SPAG17: variants seen among roughly 807,000 people sequenced by gnomAD.
SPAG17 encodes sperm associated antigen 17.
Under a neutral mutation model 273.6 loss-of-function variants are expected in SPAG17, and 169 were observed. That is an observed-to-expected ratio of 0.62 (90% CI 0.55 to 0.70). SPAG17 has a LOEUF of 0.70. Ranked by LOEUF, SPAG17 falls within the 30% of genes least tolerant of loss-of-function variation. The pLI is 0.00. For missense variants in SPAG17, 2,557 were observed against 2,627.8 expected, an observed-to-expected ratio of 0.97 and a Z score of 0.59; for synonymous variants, 825 against 873.2, an observed-to-expected ratio of 0.94 and a Z score of 0.97.
chr1:118,012,203 C>T (rs771318606), intron 30 of SPAG17, 25 bp downstream of exon 30: 6 of 1,601,522 alleles, frequency 3.7e-6, no homozygotes, highest in Non-Finnish European at 4.3e-6. Context: ...AAAATATTGT[C>T]ATGTACTCAG....
At chr1:118,086,605 C>T (rs1247676630) in intron 12 of SPAG17, 66 bp downstream of exon 12, 6 of 1,358,574 alleles carry the variant, frequency 4.4e-6, no homozygotes, top group African/African-American at 4.4e-5. Context: ...TAGCTTCTTT[C>T]AACTGAATAG....
rs546058919 is a variant in SPAG17 at position 118,093,434 on chromosome 1, C to T, written c.1012-117G>A. 4 of 997,612 alleles carry T rather than the reference C, an allele frequency of 4.0e-6. No homozygotes were observed. The East Asian group carries it at 1.1e-4, about 27-fold the overall frequency. The allele number at this position is 997,612 out of a possible 1,614,324, so 61.8% of individuals were successfully genotyped here. ...CAACTTTATACAGGAAAGCAAACCC[C>T]TAAATCTCCAAACCACTGAATCCCA... On this transcript the variant is annotated intron_variant, in intron 7 of 48. Coordinates refer to ENST00000336338, the MANE Select transcript of SPAG17 (RefSeq NM_206996.4).
At chr1:117,997,036 C>T (rs1557883860) in intron 32 of SPAG17, among the ~76,000 whole-genome samples, 1 of 152,004 alleles carries the variant, frequency 6.6e-6, no homozygotes, top group Non-Finnish European at 1.5e-5. Context: ...AAGATAGGTT[C>T]AAGAAATTGG....
intron 4 of SPAG17, among the ~76,000 whole-genome samples, chr1:118,106,627 T>C (rs1207208142): frequency 6.6e-6 from 1 of 152,228 alleles, no homozygotes; most frequent in Admixed American, 6.5e-5. Flanking sequence ...ATCAAAAACA[T>C]ACCAGAAACT....
At chr1:118,003,792 C>G (rs886459121) in intron 32 of SPAG17, among the ~76,000 whole-genome samples, 9 of 152,134 alleles carry the variant, frequency 5.9e-5, no homozygotes, top group African/African-American at 2.2e-4. Flanking sequence ...TTTGTTATAA[C>G]TGACCTTCTG....
intron 3 of SPAG17, among the ~76,000 whole-genome samples, chr1:118,125,919 C>T (rs1657695099): frequency 6.6e-6 from 1 of 151,758 alleles, no homozygotes; most frequent in Non-Finnish European, 1.5e-5. Context: ...TATAGTAGTT[C>T]TATTTTTAGT....
chr1:118,097,449 A>G (rs1174525285), intron 7 of SPAG17, among the ~76,000 whole-genome samples: 1 of 152,214 alleles, frequency 6.6e-6, no homozygotes, highest in Non-Finnish European at 1.5e-5. Context: ...CTCATCTACT[A>G]CATCTTATTA....
intron 46 of SPAG17, among the ~76,000 whole-genome samples, chr1:117,969,136 T>C (rs1410143134): frequency 6.6e-6 from 1 of 151,848 alleles, no homozygotes; most frequent in Non-Finnish European, 1.5e-5. Context: ...AAATTATAAT[T>C]TAAAGTGAGA....
chr1:118,008,259 A>G lies in SPAG17; in HGVS notation c.4433-61T>C. On this transcript the variant is annotated intron_variant, in intron 30 of 48. Coordinates refer to ENST00000336338, the MANE Select transcript of SPAG17 (RefSeq NM_206996.4). Reference sequence around the variant, plus strand: ...ATGTAGACATTGCAAAACAGACCTCAGCCTATTGATTTTGCTGCTGTTTCC... The same window carrying G: ...ATGTAGACATTGCAAAACAGACCTCGGCCTATTGATTTTGCTGCTGTTTCC... 4 of 1,574,926 alleles carry G rather than the reference A, an allele frequency of 2.5e-6. 1 individual carries two copies. In the South Asian group the frequency reaches 3.4e-5, roughly 13 times the overall value.
At position 118,008,099 on chromosome 1, in the gene SPAG17, C is replaced by G; in HGVS notation, c.4532G>C (p.Cys1511Ser). Residue 1511 changes from cysteine to serine, a missense_variant, in exon 31 of 49, where the codon TGT becomes TCT. Coordinates refer to ENST00000336338, the MANE Select transcript of SPAG17 (RefSeq NM_206996.4). ...VIANCEDSSC[C>S]ATFGDGTTII... ...AGTTGTTCCATCTCCAAAGGTGGCA[C>G]AGCAGCTACTGTCCTCACAGTTGGC... The G allele has an allele frequency of 6.2e-7, 1 of 1,614,092 alleles. No individual in the cohort carries two copies. The highest frequency in any genetic ancestry group is 8.5e-7 in the Non-Finnish European group (1 of 1,179,978).
At chr1:118,082,212 C>T (rs1346713173) in intron 13 of SPAG17, among the ~76,000 whole-genome samples, 1 of 152,166 alleles carries the variant, frequency 6.6e-6, no homozygotes, top group Non-Finnish European at 1.5e-5. Flanking sequence ...TTCACTTGCT[C>T]ACTCTTTCAT....
Position 117,973,516 on chromosome 1 carries a change from A to G in SPAG17, c.6050T>C (p.Leu2017Pro). ...EPVKIPTQSL[L>P]QDVAGQTRKE... is the part of the protein sequence containing the mutation. ...TCTTGTTTGTCCCGCAACATCCTGC[A>G]GCAAGGACTGGGTTGGAATTTTCAC... Residue 2017 changes from leucine (L) to proline (P), a missense_variant, in exon 44 of 49, where the codon CTG becomes CCG. Leu to Pro is a moderately conservative substitution (Grantham distance 98). Coordinates refer to ENST00000336338, the MANE Select transcript of SPAG17 (RefSeq NM_206996.4). 6.2e-7 allele frequency: 1 copy of G among 1,614,114 alleles called. No homozygotes were observed. The highest frequency in any genetic ancestry group is 8.5e-7 in the Non-Finnish European group (1 of 1,179,954).
chr1:118,081,155 GTCTATTA>G lies in SPAG17; in HGVS notation c.2148_2154del (p.Asn717SerfsTer3). ...ATGATGCTCTCCTGCTCTAACAGCT[GTCTATTA>G]TCAGGGACTGAGAGTTTGAGATTAT... is the stretch of plus-strand genomic sequence containing the variant. On this transcript the variant is annotated frameshift_variant, in exon 15 of 49. Transcript: ENST00000336338. LOFTEE classifies it high-confidence loss of function. The G allele has an allele frequency of 6.2e-7, 1 of 1,613,876 alleles. No homozygotes were observed.
rs769006481 is a variant in SPAG17 at position 118,055,910 on chromosome 1, A to C, written c.2545T>G (p.Tyr849Asp). ...ATAGATTTTGCAACAAGTTCCAAAT[A>C]ATTCCTAAACAAACCAATAGCAGAC... Reference protein sequence around the residue: ...ALHSNVGFRNYLELVAKSIQD... With the variant: ...ALHSNVGFRNDLELVAKSIQD... The change falls in exon 19 of 49, where the codon TAT becomes GAT. Residue 849 changes from tyrosine (Y) to aspartate (D), a missense_variant. Tyr to Asp is a radical substitution (Grantham distance 160). Coordinates refer to ENST00000336338, the MANE Select transcript of SPAG17 (RefSeq NM_206996.4). 9.3e-6 allele frequency: 15 copies of C among 1,605,262 alleles called. No individual in the cohort carries two copies. The highest frequency in any genetic ancestry group is 5.1e-5 in the Admixed American group (3 of 58,776).
intron 10 of SPAG17, 57 bp from the exon 11 acceptor site, chr1:118,087,065 C>T: frequency 2.0e-6 from 3 of 1,504,468 alleles, no homozygotes; most frequent in Non-Finnish European, 2.7e-6. Flanking sequence ...TAGTGATACT[C>T]ACTGCTCATT....
chr1:118,067,740 G>A (rs1223582790), intron 17 of SPAG17, among the ~76,000 whole-genome samples: 1 of 152,226 alleles, frequency 6.6e-6, no homozygotes, highest in Admixed American at 6.5e-5. Flanking sequence ...TTGAGGCTGA[G>A]AGAGTAAGGG....
At chr1:118,082,199 T>G (rs1022186252) in intron 13 of SPAG17, among the ~76,000 whole-genome samples, 1 of 152,208 alleles carries the variant, frequency 6.6e-6, no homozygotes, top group East Asian at 1.9e-4. Flanking sequence ...TTTACAGCAT[T>G]TATTCACTTG....
At chr1:118,151,422 C>G (rs375295572) in intron 1 of SPAG17, 53 bp from the exon 2 acceptor site, 2 of 1,462,350 alleles carry the variant, frequency 1.4e-6, no homozygotes, top group Non-Finnish European at 1.9e-6. Flanking sequence ...TAGGTCATTT[C>G]GTGTCAAATA....
At chr1:118,147,014 T>G (rs536940175) in intron 3 of SPAG17, among the ~76,000 whole-genome samples, 1 of 152,244 alleles carries the variant, frequency 6.6e-6, no homozygotes, top group Admixed American at 6.5e-5. Flanking sequence ...TGAATTCTTA[T>G]ACACTTTACC....
Sources: allele counts gnomAD v4.1 joint callset (sites outside exome capture counted in the v4.1 genomes callset), GRCh38; gene constraint gnomAD v4.1.1; transcripts MANE v1.5; gene names NCBI Gene and HGNC (gene_info 2026-07-23, HGNC 2026-07-21).